The following CCND3 variants were observed in gnomAD, a reference collection of about 807,000 sequenced individuals.
CCND3 encodes the protein G1/S-specific cyclin-D3.
In CCND3, 9 loss-of-function variants were observed where a neutral mutation model predicts 28.7. The ratio of observed to expected loss-of-function variants is 0.31; its 90% confidence interval spans 0.19 to 0.55. CCND3 has a LOEUF of 0.55. Among genes scored for constraint, CCND3 ranks in the 20% least tolerant of loss-of-function variants. The pLI, the probability that CCND3 is intolerant of heterozygous loss-of-function variation, is 0.93. For missense variants in CCND3, 315 were observed against 385.8 expected (o/e 0.82, Z 1.54); for synonymous variants, 164 against 163.9 (o/e 1.00, Z 0.00).
At chr6:41,976,909 T>TG (rs1762200207) in intron 1 of CCND3, among the ~76,000 whole-genome samples, 1 of 152,182 alleles carries the variant, frequency 6.6e-6, no homozygotes, top group African/African-American at 2.4e-5. Flanking sequence ...GGCTGCTGTT[T>TG]GTTCAGGGTC....
intron 1 of CCND3, among the ~76,000 whole-genome samples, chr6:42,040,672 T>C (rs1411115097): frequency 6.6e-6 from 1 of 151,688 alleles, no homozygotes; most frequent in Non-Finnish European, 1.5e-5. Context: ...GCCAACATGG[T>C]GAAACCCAGT....
upstream of CCND3, among the ~76,000 whole-genome samples, chr6:41,942,966 C>G (rs760035882): frequency 1.5e-4 from 22 of 150,706 alleles, no homozygotes; most frequent in Middle Eastern, 6.8e-3. Flanking sequence ...GCAACCTCCA[C>G]CTCCCGGGTT....
At chr6:42,028,725 A>C (rs1437476953) in intron 1 of CCND3, among the ~76,000 whole-genome samples, 3 of 152,216 alleles carry the variant, frequency 2.0e-5, no homozygotes, top group East Asian at 3.8e-4. Flanking sequence ...GAGATGACTC[A>C]GCTAAAGCTT....
At chr6:41,950,482 A>C (rs372197788) in intron 1 of CCND3, among the ~76,000 whole-genome samples, 2 of 152,072 alleles carry the variant, frequency 1.3e-5, no homozygotes, top group African/African-American at 4.8e-5. Context: ...CAGCCTTCTC[A>C]TTTGCAAAAG....
chr6:42,000,234 CTTTTTTTTTTTTTT>C (rs70987562), intron 1 of CCND3, among the ~76,000 whole-genome samples: 6 of 51,032 alleles, frequency 1.2e-4, no homozygotes, highest in East Asian at 8.1e-4. Context: ...TGAAAACATA[CTTTTTTTTTTTTTT>C]TTTTTTTTTT....
chr6:41,998,347 C>G (rs1762875312), intron 1 of CCND3, among the ~76,000 whole-genome samples: 1 of 70,892 alleles, frequency 1.4e-5, no homozygotes, highest in Non-Finnish European at 2.6e-5. Context: ...TGACAATATC[C>G]AATTTTTTTT....
chr6:42,018,262 G>A (rs1051249843), intron 1 of CCND3: 10 of 151,474 alleles, frequency 6.6e-5, no homozygotes, highest in South Asian at 2.1e-4. Flanking sequence ...GCACAATCTC[G>A]GCTCACTGCA....
At chr6:41,986,613 T>C (rs1762487393) in intron 1 of CCND3, among the ~76,000 whole-genome samples, 1 of 151,840 alleles carries the variant, frequency 6.6e-6, no homozygotes, top group South Asian at 2.1e-4. Context: ...TACTTTGGTA[T>C]GATGATTTTG....
intron 1 of CCND3, among the ~76,000 whole-genome samples, chr6:42,031,951 G>A (rs565594253): frequency 2.0e-5 from 3 of 151,556 alleles, no homozygotes; most frequent in Non-Finnish European, 2.9e-5. Flanking sequence ...CATCACACCG[G>A]TCTAATTTTT....
At chr6:41,972,069 T>A (rs1366865280) in intron 1 of CCND3, among the ~76,000 whole-genome samples, 3 of 148,482 alleles carry the variant, frequency 2.0e-5, no homozygotes, top group Non-Finnish European at 4.5e-5. Context: ...ACTAAAAAAA[T>A]ACAAAAAAAT....
chr6:41,992,097 T>C (rs1353893949), intron 1 of CCND3, among the ~76,000 whole-genome samples: 1 of 152,172 alleles, frequency 6.6e-6, no homozygotes, highest in Non-Finnish European at 1.5e-5. Context: ...TCCTTTCCTT[T>C]GGATAAATGC....
At chr6:42,024,351 G>A (rs1342572102) in intron 1 of CCND3, among the ~76,000 whole-genome samples, 1 of 151,310 alleles carries the variant, frequency 6.6e-6, no homozygotes, top group Admixed American at 6.6e-5. Context: ...TGTAGTGAGC[G>A]GAGATCACGC....
intron 1 of CCND3, among the ~76,000 whole-genome samples, chr6:41,958,000 C>CTTTTTTTTTTTTTTTT (rs536258560): frequency 7.9e-6 from 1 of 127,042 alleles, no homozygotes; most frequent in Non-Finnish European, 1.6e-5. Context: ...TTATCTTTAT[C>CTTTTTTTTTTTTTTTT]TTTTTTTTTT....
rs1192710725 is a variant in CCND3, at chr6:41,938,811, G to A, written c.415-1417C>T. Among the ~76,000 whole-genome samples the A allele has an allele frequency of 6.6e-6, 1 of 152,140 alleles. No individual in the cohort carries two copies. Among genetic ancestry groups the A allele is most frequent in the Non-Finnish European group, 1.5e-5 (1 of 68,032 alleles). On this transcript the variant is annotated intron_variant, in intron 2 of 4. Transcript: ENST00000372991. This position sits in a 1 kb window ranked among gnomAD's most constrained non-coding sequence, Gnocchi z 4.6. ...TCTGCTCAGTGCGATGCTGAGGCAG[G>A]ACCTTGCCCTCCTTCCTTGGGCCTC...
At chr6:41,961,723 C>T (rs1003674092) in intron 1 of CCND3, among the ~76,000 whole-genome samples, 3 of 152,158 alleles carry the variant, frequency 2.0e-5, no homozygotes, top group Non-Finnish European at 4.4e-5. Flanking sequence ...TCAGCTTTGA[C>T]ATTGCTCCAG....
chr6:42,026,216 T>G (rs1334480948), intron 1 of CCND3, among the ~76,000 whole-genome samples: 4 of 152,036 alleles, frequency 2.6e-5, no homozygotes, highest in Non-Finnish European at 5.9e-5. Context: ...CAACGACCTC[T>G]CTAAGGGATG....
Position 41,950,824 on chromosome 6 carries a change from A to T in CCND3, c.-45-10239T>A, listed in dbSNP as rs565086236. On this transcript the variant is annotated intron_variant, in intron 1 of 4. Transcript: ENST00000372988. ...CCCAGGTTCACGCCATTCTCCTGCC[A>T]CAGCCTCCCGAGTAGCTGGGACTAC... is the stretch of plus-strand genomic sequence containing the variant. Among the ~76,000 whole-genome samples, 233 of 149,030 alleles carry T rather than the reference A, an allele frequency of 1.6e-3. 1 individual carries two copies. Among genetic ancestry groups the T allele is most frequent in the Middle Eastern group, 3.5e-3 (1 of 286 alleles).
chr6:42,043,518 G>T (rs1764433876), intron 1 of CCND3, among the ~76,000 whole-genome samples: 1 of 152,190 alleles, frequency 6.6e-6, no homozygotes, highest in South Asian at 2.1e-4. Flanking sequence ...GCGACAGAGT[G>T]AGACTCCATT....
intron 1 of CCND3, among the ~76,000 whole-genome samples, chr6:41,977,707 T>G (rs896068021): frequency 6.6e-6 from 1 of 152,048 alleles, no homozygotes; most frequent in African/African-American, 2.4e-5. Context: ...ATATGAAAAA[T>G]TCAGTGCATT....
Sources: gnomAD v4.1 joint callset for allele counts (sites outside exome capture counted in the v4.1 genomes callset) on GRCh38, gnomAD v4.1.1 for gene constraint, Gnocchi (gnomAD v3.1) non-coding constraint, MANE v1.5 for transcripts, NCBI Gene and HGNC (gene_info 2026-07-23, HGNC 2026-07-21) for gene names.